Variants in EPOP observed in about 807,000 individuals in gnomAD.
EPOP encodes elongin BC and Polycomb repressive complex 2-associated protein.
EPOP carries 14 observed loss-of-function variants against 18.2 expected under a neutral mutation model. The ratio of observed to expected loss-of-function variants is 0.77; its 90% confidence interval spans 0.51 to 1.20. EPOP has a LOEUF of 1.20. Among genes scored for constraint, EPOP ranks in the 50% most tolerant of loss-of-function variants. EPOP has a pLI of 0.00. For synonymous variants in EPOP, 252 were observed against 274.9 expected (o/e 0.92, Z 0.83); for missense variants, 527 against 577.2 (o/e 0.91, Z 0.89).
Position 38,672,741 on chromosome 17 carries a change from C to G in EPOP, c.*615G>C, listed in dbSNP as rs1388110206. The G allele has an allele frequency of 6.6e-6, 1 of 152,378 alleles. No homozygotes were observed. Among genetic ancestry groups the G allele is most frequent in the East Asian group, 1.9e-4 (1 of 5,198 alleles). The allele number at this position is 152,378 out of a possible 1,614,324, so 9.4% of individuals were successfully genotyped here. ...GAAGATCTCACCAATTAAGGGTCAC[C>G]TGCACTTGAGGGGGCCTAGAAAGGG... On this transcript the variant is annotated 3_prime_UTR_variant, in exon 1 of 1. Coordinates refer to ENST00000621654, the MANE Select transcript of EPOP (RefSeq NM_001130677.2).
Position 38,674,025 on chromosome 17 carries a change from C to A in EPOP, c.471G>T (p.Pro157=). ...GCTCGAGACCCGGGGCCGGGCGAGGCGGGGCCGAGGCGAAGCTGGTCGTAG... is the reference window on the plus strand; with the variant it reads ...GCTCGAGACCCGGGGCCGGGCGAGGAGGGGCCGAGGCGAAGCTGGTCGTAG... The part of the protein sequence containing the change: ...RESTTSFASA[P]PRPAPGLEPQ... The change falls in exon 1 of 1, where the codon CCG becomes CCT. Residue 157 remains proline, a synonymous_variant. Coordinates refer to ENST00000621654, the MANE Select transcript of EPOP (RefSeq NM_001130677.2). The surrounding 1 kb of genome is among the most constrained non-coding windows in gnomAD (Gnocchi z 4.5). 1 of 1,386,944 alleles carries A rather than the reference C, an allele frequency of 7.2e-7. No individual in the cohort carries two copies. Among genetic ancestry groups the A allele is most frequent in the Non-Finnish European group, 9.2e-7 (1 of 1,081,556 alleles). The allele number at this position is 1,386,944 out of a possible 1,614,324, so 85.9% of individuals were successfully genotyped here. A position where few individuals can be genotyped will look rare whatever the true frequency, so the allele number is the denominator to read the frequency against.
chr17:38,674,459 G>T lies in EPOP; in HGVS notation c.37C>A (p.Pro13Thr). 1.3e-6 allele frequency: 2 copies of T among 1,537,568 alleles called. No homozygotes were observed. The highest frequency in any genetic ancestry group is 1.7e-6 in the Non-Finnish European group (2 of 1,144,982). The part of the protein sequence containing the change: ...TLCPAPRLAV[P>T]ASPRGSPCSP... ...CAGGGCGACCCTCGCGGGGACGCCG[G>T]CACTGCCAGGCGGGGCGCAGGGCAC... Residue 13 changes from proline (P) to threonine (T), a missense_variant, in exon 1 of 1, where the codon CCG becomes ACG. Pro to Thr is a conservative substitution (Grantham distance 38). Coordinates refer to ENST00000621654, the MANE Select transcript of EPOP (RefSeq NM_001130677.2). This position sits in a 1 kb window ranked among gnomAD's most constrained non-coding sequence, Gnocchi z 4.5.
chr17:38,674,574 G>C lies in EPOP; in HGVS notation c.-79C>G. On this transcript the variant is annotated 5_prime_UTR_variant, in exon 1 of 1. Coordinates refer to ENST00000621654, the MANE Select transcript of EPOP (RefSeq NM_001130677.2). The surrounding 1 kb of genome is among the most constrained non-coding windows in gnomAD (Gnocchi z 4.5). ...CCCTGGCTGCCCGAAGAGCCCACGG[G>C]TGAGGGGAACATCGCCCCCCGTCGA... 1 of 1,360,148 alleles carries C rather than the reference G, an allele frequency of 7.4e-7. No homozygotes were observed. The highest frequency in any genetic ancestry group is 9.6e-7 in the Non-Finnish European group (1 of 1,042,618). 84.3% of individuals were successfully genotyped at this position (1,360,148 alleles called of 1,614,324 possible).
rs1910977944 is a variant in EPOP at position 38,672,608 on chromosome 17, G to C, written c.*748C>G. ...TTGGGGGAGGGGGCTGATTAATCAA[G>C]GTTGGGGGAAATCTTTCTCACCGGC... On this transcript the variant is annotated 3_prime_UTR_variant, in exon 1 of 1. Transcript: ENST00000621654. 1 of 152,194 alleles carries C rather than the reference G, an allele frequency of 6.6e-6. No homozygotes were observed. Among genetic ancestry groups the C allele is most frequent in the South Asian group, 2.1e-4 (1 of 4,830 alleles). 9.4% of individuals were successfully genotyped at this position (152,194 alleles called of 1,614,324 possible). A position where few individuals can be genotyped will look rare whatever the true frequency, so the allele number is the denominator to read the frequency against.
Position 38,674,587 on chromosome 17 carries a change from C to A in EPOP, c.-92G>T. ...AAGAGCCCACGGGTGAGGGGAACATCGCCCCCCGTCGACGGGGAGGTCTCT... is the reference window on the plus strand; with the variant it reads ...AAGAGCCCACGGGTGAGGGGAACATAGCCCCCCGTCGACGGGGAGGTCTCT... On this transcript the variant is annotated 5_prime_UTR_variant, in exon 1 of 1. Transcript: ENST00000621654. This position sits in a 1 kb window ranked among gnomAD's most constrained non-coding sequence, Gnocchi z 4.5. 7.7e-7 allele frequency: 1 copy of A among 1,291,748 alleles called. No homozygotes were observed. The highest frequency in any genetic ancestry group is 1.7e-5 in the South Asian group (1 of 59,088). The allele number at this position is 1,291,748 out of a possible 1,614,324, so 80.0% of individuals were successfully genotyped here. A position where few individuals can be genotyped will look rare whatever the true frequency, so the allele number is the denominator to read the frequency against.
Position 38,674,152 on chromosome 17 carries a change from C to CG in EPOP, c.343dup (p.Arg115ProfsTer232). On this transcript the variant is annotated frameshift_variant, in exon 1 of 1. Transcript: ENST00000621654. LOFTEE classifies it high-confidence loss of function. The surrounding 1 kb of genome is among the most constrained non-coding windows in gnomAD (Gnocchi z 4.5). ...TCCGCCCTCTTCCTCCTCTCCGCGG[C>CG]GGGGGCACGCTGCGACGTCCGCATC... is the stretch of plus-strand genomic sequence containing the variant. 1.4e-6 allele frequency: 2 copies of CG among 1,438,762 alleles called. No individual in the cohort carries two copies. Among genetic ancestry groups the CG allele is most frequent in the East Asian group, 2.9e-5 (1 of 34,466 alleles). 89.1% of individuals were successfully genotyped at this position (1,438,762 alleles called of 1,614,324 possible).
Position 38,673,375 on chromosome 17 carries a change from ATCC to A in EPOP, c.1118_1120del (p.Gly373_Ile374delinsVal). 7.1e-7 allele frequency: 1 copy of A among 1,416,784 alleles called. No individual in the cohort carries two copies. Among genetic ancestry groups the A allele is most frequent in the Non-Finnish European group, 9.3e-7 (1 of 1,078,602 alleles). 87.8% of individuals were successfully genotyped at this position (1,416,784 alleles called of 1,614,324 possible). On this transcript the variant is annotated inframe_deletion, in exon 1 of 1. Transcript: ENST00000621654. ...CCACGGTCAGCTTTCATCCATGTTGATCCCCCAGAATTTGAGGCCAGGGGGCTC... is the reference window on the plus strand; with the variant it reads ...CCACGGTCAGCTTTCATCCATGTTGACCCAGAATTTGAGGCCAGGGGGCTC...
At position 38,674,227 on chromosome 17, in the gene EPOP, A is replaced by T. The variant is rs1428064841; in HGVS notation, c.269T>A (p.Leu90His). ...GGWAPDGLKH[L>H]WAPTGRPGVP... is the part of the protein sequence containing the mutation. The stretch of plus-strand genomic sequence containing the variant: ...GCCGGGCCGCCCGGTCGGTGCCCAG[A>T]GGTGCTTCAGGCCATCCGGGGCCCA... Residue 90 changes from leucine (L) to histidine (H), a missense_variant, in exon 1 of 1, where the codon CTC becomes CAC. By Grantham distance (99) the Leu-to-His change is moderately conservative. Coordinates refer to ENST00000621654, the MANE Select transcript of EPOP (RefSeq NM_001130677.2). The surrounding 1 kb of genome is among the most constrained non-coding windows in gnomAD (Gnocchi z 4.5). 37 of 1,431,572 alleles carry T rather than the reference A, an allele frequency of 2.6e-5. No individual in the cohort carries two copies. Among genetic ancestry groups the T allele is most frequent in the Non-Finnish European group, 3.2e-5 (35 of 1,103,326 alleles). 88.7% of individuals were successfully genotyped at this position (1,431,572 alleles called of 1,614,324 possible).
At position 38,671,856 on chromosome 17, in the gene EPOP, G is replaced by A. The variant is rs1040026489; in HGVS notation, c.*1500C>T. On this transcript the variant is annotated 3_prime_UTR_variant, in exon 1 of 1. Coordinates refer to ENST00000621654, the MANE Select transcript of EPOP (RefSeq NM_001130677.2). ...ATTGTTCCTCTCGCACCTCGTTTTC[G>A]GGGGAAGAGGGGGCGCTATTCACTA... 3 of 152,052 alleles carry A rather than the reference G, an allele frequency of 2.0e-5. No individual in the cohort carries two copies. The highest frequency in any genetic ancestry group is 2.1e-4 in the South Asian group (1 of 4,824). 9.4% of individuals were successfully genotyped at this position (152,052 alleles called of 1,614,324 possible).
Position 38,672,807 on chromosome 17 carries a change from A to G in EPOP, c.*549T>C, listed in dbSNP as rs530466365. 2 of 152,538 alleles carry G rather than the reference A, an allele frequency of 1.3e-5. No individual in the cohort carries two copies. Among genetic ancestry groups the G allele is most frequent in the African/African-American group, 4.8e-5 (2 of 41,544 alleles). 9.4% of individuals were successfully genotyped at this position (152,538 alleles called of 1,614,324 possible). A position where few individuals can be genotyped will look rare whatever the true frequency, so the allele number is the denominator to read the frequency against. ...ATCTTCCTCTTACCCAAGTTCCCTC[A>G]CCCATTAAAGGCTCCAGCGGTGCTT... On this transcript the variant is annotated 3_prime_UTR_variant, in exon 1 of 1. Coordinates refer to ENST00000621654, the MANE Select transcript of EPOP (RefSeq NM_001130677.2).
In EPOP at chr17:38,674,452, G is replaced by A; in HGVS notation, c.44C>T (p.Ser15Phe). 2 of 1,539,410 alleles carry A rather than the reference G, an allele frequency of 1.3e-6. No homozygotes were observed. The highest frequency in any genetic ancestry group is 2.0e-4 in the Middle Eastern group (1 of 4,996). The change falls in exon 1 of 1, where the codon TCC becomes TTC. Residue 15 changes from serine to phenylalanine, a missense_variant. By Grantham distance (155) the Ser-to-Phe change is radical (BLOSUM62 -2). Transcript: ENST00000621654. The surrounding 1 kb of genome is among the most constrained non-coding windows in gnomAD (Gnocchi z 4.5). The stretch of plus-strand genomic sequence containing the variant: ...GGGGGAGCAGGGCGACCCTCGCGGG[G>A]ACGCCGGCACTGCCAGGCGGGGCGC... ...CPAPRLAVPASPRGSPCSPTP... is the reference protein window; with the variant it reads ...CPAPRLAVPAFPRGSPCSPTP...
chr17:38,674,580 G>C lies in EPOP; in HGVS notation c.-85C>G, dbSNP rs935496376. On this transcript the variant is annotated 5_prime_UTR_variant, in exon 1 of 1. Transcript: ENST00000621654. The surrounding 1 kb of genome is among the most constrained non-coding windows in gnomAD (Gnocchi z 4.5). ...CTGCCCGAAGAGCCCACGGGTGAGG[G>C]GAACATCGCCCCCCGTCGACGGGGA... 6.1e-6 allele frequency: 8 copies of C among 1,311,642 alleles called. No individual in the cohort carries two copies. The highest frequency in any genetic ancestry group is 8.0e-6 in the Non-Finnish European group (8 of 1,002,986). 81.3% of individuals were successfully genotyped at this position (1,311,642 alleles called of 1,614,324 possible). A position where few individuals can be genotyped will look rare whatever the true frequency, so the allele number is the denominator to read the frequency against.
Position 38,673,309 on chromosome 17 carries a change from G to A in EPOP, c.*47C>T, listed in dbSNP as rs1218121625. ...AACGGGGCTCCCTCCTCAAGCCCGCGGTTTGGCCATGGTCCCAACTTTTCC... is the reference window on the plus strand; with the variant it reads ...AACGGGGCTCCCTCCTCAAGCCCGCAGTTTGGCCATGGTCCCAACTTTTCC... On this transcript the variant is annotated 3_prime_UTR_variant, in exon 1 of 1. Coordinates refer to ENST00000621654, the MANE Select transcript of EPOP (RefSeq NM_001130677.2). 1 of 1,467,108 alleles carries A rather than the reference G, an allele frequency of 6.8e-7. No individual in the cohort carries two copies. The highest frequency in any genetic ancestry group is 1.4e-5 in the South Asian group (1 of 71,286). The allele number at this position is 1,467,108 out of a possible 1,614,324, so 90.9% of individuals were successfully genotyped here.
chr17:38,674,095 C>T lies in EPOP; in HGVS notation c.401G>A (p.Cys134Tyr), dbSNP rs1911039829. Residue 134 changes from cysteine (C) to tyrosine (Y), a missense_variant, in exon 1 of 1, where the codon TGT (cysteine) becomes TAT (tyrosine). Physicochemically the swap from Cys to Tyr is radical, Grantham distance 194. Coordinates refer to ENST00000621654, the MANE Select transcript of EPOP (RefSeq NM_001130677.2). The surrounding 1 kb of genome is among the most constrained non-coding windows in gnomAD (Gnocchi z 4.5). ...CGCAGGGCAGCGGCCCGGAGGTGCA[C>T]AGGAGCGAACGCCGAAGTGCGGGAA... Reference protein sequence around the residue: ...GGFPHFGVRSCAPPGRCPAPP... With the variant: ...GGFPHFGVRSYAPPGRCPAPP... 2 of 1,449,202 alleles carry T rather than the reference C, an allele frequency of 1.4e-6. No individual in the cohort carries two copies. Among genetic ancestry groups the T allele is most frequent in the Non-Finnish European group, 1.8e-6 (2 of 1,110,344 alleles). 89.8% of individuals were successfully genotyped at this position (1,449,202 alleles called of 1,614,324 possible).
At position 38,674,003 on chromosome 17, in the gene EPOP, C is replaced by G; in HGVS notation, c.493G>C (p.Glu165Gln). The G allele has an allele frequency of 1.4e-6, 2 of 1,390,914 alleles. No individual in the cohort carries two copies. Among genetic ancestry groups the G allele is most frequent in the Non-Finnish European group, 1.8e-6 (2 of 1,084,748 alleles). The allele number at this position is 1,390,914 out of a possible 1,614,324, so 86.2% of individuals were successfully genotyped here. A position where few individuals can be genotyped will look rare whatever the true frequency, so the allele number is the denominator to read the frequency against. ...SAPPRPAPGL[E>Q]PQRGPAASPP... ...CTGGCGGCTGGGCCACGCTGAGGCT[C>G]GAGACCCGGGGCCGGGCGAGGCGGG... Residue 165 changes from glutamate (E) to glutamine (Q), a missense_variant, in exon 1 of 1, where the codon GAG becomes CAG. Transcript: ENST00000621654. This position sits in a 1 kb window ranked among gnomAD's most constrained non-coding sequence, Gnocchi z 4.5.
In EPOP at chr17:38,674,481, G is replaced by A. The variant is rs772891191; in HGVS notation, c.15C>T (p.Cys5=). The A allele has an allele frequency of 1.3e-6, 2 of 1,534,462 alleles. No homozygotes were observed. The highest frequency in any genetic ancestry group is 2.8e-5 in the African/African-American group (2 of 72,548). ...CCGGCACTGCCAGGCGGGGCGCAGG[G>A]CACAGGGTCTCCATGGAGCAGCCTG... The part of the protein sequence containing the change: METL[C]PAPRLAVPAS... The change falls in exon 1 of 1, where the codon TGC becomes TGT. Residue 5 remains cysteine (C), a synonymous_variant. Coordinates refer to ENST00000621654, the MANE Select transcript of EPOP (RefSeq NM_001130677.2). The surrounding 1 kb of genome is among the most constrained non-coding windows in gnomAD (Gnocchi z 4.5).
chr17:38,674,461 A>C lies in EPOP; in HGVS notation c.35T>G (p.Val12Gly), dbSNP rs1248116236. The stretch of plus-strand genomic sequence containing the variant: ...GGGCGACCCTCGCGGGGACGCCGGC[A>C]CTGCCAGGCGGGGCGCAGGGCACAG... ...ETLCPAPRLA[V>G]PASPRGSPCS... The change falls in exon 1 of 1, where the codon GTG becomes GGG. Residue 12 changes from valine to glycine, a missense_variant. Transcript: ENST00000621654. The surrounding 1 kb of genome is among the most constrained non-coding windows in gnomAD (Gnocchi z 4.5). The C allele has an allele frequency of 2.6e-6, 4 of 1,537,004 alleles. No individual in the cohort carries two copies. The highest frequency in any genetic ancestry group is 3.5e-6 in the Non-Finnish European group (4 of 1,144,808).
rs1332978406 is a variant in EPOP at position 38,673,699 on chromosome 17, G to T, written c.797C>A (p.Pro266Gln). ...CCGCTCTGGCCCCCGGCGCAAACTCGGAGTGTCCAAGGCGAAGCCCTTCGC... is the reference window on the plus strand; with the variant it reads ...CCGCTCTGGCCCCCGGCGCAAACTCTGAGTGTCCAAGGCGAAGCCCTTCGC... Reference protein sequence around the residue: ...CYAKGFALDTPSLRRGPERPP... With the variant: ...CYAKGFALDTQSLRRGPERPP... Residue 266 changes from proline (P) to glutamine (Q), a missense_variant, in exon 1 of 1, where the codon CCG becomes CAG. Pro to Gln is a moderately conservative substitution (Grantham distance 76). Coordinates refer to ENST00000621654, the MANE Select transcript of EPOP (RefSeq NM_001130677.2). 6 of 1,533,174 alleles carry T rather than the reference G, an allele frequency of 3.9e-6. No homozygotes were observed. Among genetic ancestry groups the T allele is most frequent in the East Asian group, 5.2e-5 (2 of 38,592 alleles). 95.0% of individuals were successfully genotyped at this position (1,533,174 alleles called of 1,614,324 possible).
rs956071079 is a variant in EPOP at position 38,673,604 on chromosome 17, C to T, written c.892G>A (p.Ala298Thr). The change falls in exon 1 of 1, where the codon GCG becomes ACG. Residue 298 changes from alanine to threonine, a missense_variant. Coordinates refer to ENST00000621654, the MANE Select transcript of EPOP (RefSeq NM_001130677.2). ...RRLPAPPPRT[A>T]QPRRPAPTLP... Reference sequence around the variant, plus strand: ...GTCGGTGCAGGGCGGCGGGGCTGCGCGGTGCGCGGAGGGGGCGCCGGCAGC... The same window carrying T: ...GTCGGTGCAGGGCGGCGGGGCTGCGTGGTGCGCGGAGGGGGCGCCGGCAGC... The T allele has an allele frequency of 4.5e-5, 67 of 1,494,104 alleles. No individual in the cohort carries two copies. The highest frequency in any genetic ancestry group is 5.9e-5 in the Non-Finnish European group (66 of 1,124,998). 92.6% of individuals were successfully genotyped at this position (1,494,104 alleles called of 1,614,324 possible).
Sources: allele counts gnomAD v4.1 joint callset, GRCh38; gene constraint gnomAD v4.1.1; non-coding constraint Gnocchi (gnomAD v3.1); transcripts MANE v1.5; gene names NCBI Gene and HGNC (gene_info 2026-07-23, HGNC 2026-07-21).